The following EYA2 variants were observed in gnomAD, a reference collection of about 807,000 sequenced individuals.
EYA2 encodes EYA transcriptional coactivator and phosphatase 2, also known as protein phosphatase EYA2.
Under a neutral mutation model 69.2 loss-of-function variants are expected in EYA2, and 31 were observed. That is an observed-to-expected ratio of 0.45 (90% CI 0.34 to 0.60). The LOEUF is 0.60. Ranked by LOEUF, EYA2 falls within the 20% of genes least tolerant of loss-of-function variation. The pLI is 0.02. For synonymous variants in EYA2, 257 were observed against 279.4 expected (o/e 0.92, Z 0.80); for missense variants, 622 against 701.2 (o/e 0.89, Z 1.28).
intron 1 of EYA2, among the ~76,000 whole-genome samples, chr20:46,969,525 CTCTG>C (rs553210109): frequency 1.1e-4 from 16 of 151,778 alleles, no homozygotes; most frequent in South Asian, 2.1e-4. Context: ...CCCTGCCTTC[CTCTG>C]TCTTTGTTTC....
At chr20:46,990,938 A>G (rs1477069557) in intron 2 of EYA2, among the ~76,000 whole-genome samples, 4 of 152,220 alleles carry the variant, frequency 2.6e-5, no homozygotes, top group East Asian at 1.9e-4. Flanking sequence ...TTTGAAGCCA[A>G]TCCAGGCTTC....
intron 1 of EYA2, among the ~76,000 whole-genome samples, chr20:46,900,554 A>G (rs996298303): frequency 2.0e-5 from 3 of 152,184 alleles, no homozygotes; most frequent in Non-Finnish European, 4.4e-5. Flanking sequence ...AAACATATAC[A>G]CTTCTGTTTA....
At position 47,098,175 on chromosome 20, in the gene EYA2, C is replaced by G. The variant is rs567742138; in HGVS notation, c.888+1007C>G. 1.6e-4 allele frequency among the ~76,000 whole-genome samples: 25 copies of G among 152,264 alleles called. No individual in the cohort carries two copies. The South Asian group carries it at 4.8e-3, about 29-fold the overall frequency. ...GTGTTGGTGGTGCAGAAATCTCTTG[C>G]CGTGTAGGAATGCCGTTAATATGTC... is the stretch of plus-strand genomic sequence containing the variant. On this transcript the variant is annotated intron_variant, in intron 9 of 15. Coordinates refer to ENST00000327619, the MANE Select transcript of EYA2 (RefSeq NM_005244.5).
intron 5 of EYA2, among the ~76,000 whole-genome samples, chr20:47,050,464 G>A (rs1268589538): frequency 6.6e-6 from 1 of 152,150 alleles, no homozygotes; most frequent in African/African-American, 2.4e-5. Context: ...GGAAAGAAAA[G>A]CACCCACATT....
At chr20:47,001,583 C>A in intron 3 of EYA2, 110 bp downstream of exon 3, 1 of 1,125,334 alleles carries the variant, frequency 8.9e-7, no homozygotes, top group Non-Finnish European at 1.3e-6. Flanking sequence ...ATAGGAATCC[C>A]AGCCGTAGCA....
intron 1 of EYA2, among the ~76,000 whole-genome samples, chr20:46,983,997 G>A (rs57350578): frequency 0.047 from 7,216 of 152,156 alleles, 569 homozygotes; most frequent in African/African-American, 0.16. Context: ...CTATCCCGTC[G>A]TAGCTGGGAG....
rs998844654 is a variant in EYA2 at position 47,116,694 on chromosome 20, C to A, written c.888+19526C>A. ...CTGCTCATTGACCCACCCTTCCTTCCCCTCCACTCTCACGCTCCCACTGTG... is the reference window on the plus strand; with the variant it reads ...CTGCTCATTGACCCACCCTTCCTTCACCTCCACTCTCACGCTCCCACTGTG... On this transcript the variant is annotated intron_variant, in intron 9 of 15. Coordinates refer to ENST00000327619, the MANE Select transcript of EYA2 (RefSeq NM_005244.5). 1.3e-5 allele frequency among the ~76,000 whole-genome samples: 2 copies of A among 152,182 alleles called. 1 individual carries two copies. Among genetic ancestry groups the A allele is most frequent in the Middle Eastern group, 6.3e-3 (2 of 316 alleles).
intron 7 of EYA2, among the ~76,000 whole-genome samples, 171 bp from the exon 8 acceptor site, chr20:47,089,068 A>T (rs1232091852): frequency 6.6e-6 from 1 of 152,176 alleles, no homozygotes; most frequent in African/African-American, 2.4e-5. Flanking sequence ...AAGGTCACCA[A>T]TGGGCAATTT....
At chr20:47,104,832 C>G (rs1276566391) in intron 9 of EYA2, among the ~76,000 whole-genome samples, 5 of 152,020 alleles carry the variant, frequency 3.3e-5, no homozygotes, top group Non-Finnish European at 7.4e-5. Context: ...ACCAGCCTGG[C>G]CAACATGGTG....
At chr20:46,985,930 C>T (rs1981152269) in intron 1 of EYA2, among the ~76,000 whole-genome samples, 1 of 152,162 alleles carries the variant, frequency 6.6e-6, no homozygotes, top group Admixed American at 6.5e-5. Flanking sequence ...TTTGCTGCTT[C>T]TAATACTCTC....
chr20:47,087,346 A>T (rs889942401), intron 7 of EYA2, among the ~76,000 whole-genome samples: 1 of 152,200 alleles, frequency 6.6e-6, no homozygotes, highest in Non-Finnish European at 1.5e-5. Context: ...TGTGTGACAC[A>T]TTTGGGAGCT....
intron 5 of EYA2, among the ~76,000 whole-genome samples, chr20:47,043,275 C>G (rs1213771498): frequency 6.6e-6 from 1 of 152,106 alleles, no homozygotes; most frequent in Non-Finnish European, 1.5e-5. Flanking sequence ...CATCACAGTA[C>G]AGATGTATAT....
chr20:46,970,712 A>G (rs1980086649), intron 1 of EYA2, among the ~76,000 whole-genome samples: 1 of 152,232 alleles, frequency 6.6e-6, no homozygotes, highest in African/African-American at 2.4e-5. Context: ...AGGCGGCTCC[A>G]TGTGTACTGA....
rs139381480 is a variant in EYA2 at position 46,929,099 on chromosome 20, C to T, written c.-11+34112C>T. Among the ~76,000 whole-genome samples the T allele has an allele frequency of 3.4e-3, 448 of 133,436 alleles. 1 individual carries two copies. The highest frequency in any genetic ancestry group is 6.5e-3 in the Admixed American group (76 of 11,628). 87.5% of individuals were successfully genotyped at this position (133,436 alleles called of 152,430 possible). On this transcript the variant is annotated intron_variant, in intron 1 of 15. Transcript: ENST00000327619. ...GAGGGTTTGGAGCAGGCTCAGGGAA[C>T]GGTGGGGTGGGAGAGCCCTGGAGAC...
intron 6 of EYA2, 92 bp downstream of exon 6, chr20:47,072,344 A>C: frequency 2.4e-6 from 3 of 1,231,746 alleles, no homozygotes; most frequent in Non-Finnish European, 3.5e-6. Flanking sequence ...GACACACACA[A>C]TCCCCATTGG....
chr20:47,137,906 G>C (rs920358959), intron 9 of EYA2, among the ~76,000 whole-genome samples: 1 of 151,190 alleles, frequency 6.6e-6, no homozygotes, highest in Admixed American at 6.6e-5. Flanking sequence ...ACTAAACAGC[G>C]CGTATTCTCA....
chr20:47,086,066 A>G (rs991679423), intron 7 of EYA2, among the ~76,000 whole-genome samples: 1 of 152,266 alleles, frequency 6.6e-6, no homozygotes, highest in African/African-American at 2.4e-5. Context: ...AAATTACTCC[A>G]AGAAAGGTTT....
rs138393903 is a variant in EYA2, at chr20:46,913,569, G to A, written c.-11+18582G>A. On this transcript the variant is annotated intron_variant, in intron 1 of 15. Coordinates refer to ENST00000327619, the MANE Select transcript of EYA2 (RefSeq NM_005244.5). ...GGTCAGAGGGTGGGGCAGGAAAACC[G>A]TTAAGAGACTGTTCAGACAGGGAGG... 5.1e-3 allele frequency among the ~76,000 whole-genome samples: 677 copies of A among 132,560 alleles called. 6 individuals carry two copies. Among genetic ancestry groups the A allele is most frequent in the African/African-American group, 0.017 (643 of 38,708 alleles). 87.0% of individuals were successfully genotyped at this position (132,560 alleles called of 152,430 possible).
At chr20:47,172,597 C>A in intron 11 of EYA2, 110 bp from the exon 12 acceptor site, 1 of 1,142,952 alleles carries the variant, frequency 8.7e-7, no homozygotes, top group Non-Finnish European at 1.2e-6. Flanking sequence ...TCGAGGGGCT[C>A]ATGGACACCC....
Sources: allele counts gnomAD v4.1 joint callset (sites outside exome capture counted in the v4.1 genomes callset), GRCh38; gene constraint gnomAD v4.1.1; transcripts MANE v1.5; gene names NCBI Gene and HGNC (gene_info 2026-07-23, HGNC 2026-07-21).